STT3B: variants seen among roughly 807,000 people sequenced by gnomAD.
STT3B encodes the protein STT3 oligosaccharyltransferase complex catalytic subunit B, also known as dolichyl-diphosphooligosaccharide--protein glycosyltransferase subunit STT3B.
Under a neutral mutation model 96.8 loss-of-function variants are expected in STT3B, and 29 were observed. The observed-to-expected ratio is 0.30, with a 90% CI of 0.22 to 0.41. The LOEUF (loss-of-function observed/expected upper bound fraction) is 0.41, where lower values mean the gene tolerates loss of function less well. STT3B is among the 10% of genes least tolerant of loss of function. STT3B has a pLI of 1.00. For synonymous variants in STT3B, 367 were observed against 360.0 expected (o/e 1.02, Z -0.22); for missense variants, 640 against 1,022.3 (o/e 0.63, Z 5.10).
At chr3:31,543,067 CAA>C (rs10696158) in intron 1 of STT3B, among the ~76,000 whole-genome samples, 6 of 109,466 alleles carry the variant, frequency 5.5e-5, no homozygotes, top group Non-Finnish European at 8.7e-5. Context: ...CTCCATCTCA[CAA>C]AAAAAAAAAA....
At chr3:31,576,654 G>T (rs1041365180) in intron 2 of STT3B, 150 bp downstream of exon 2, 3 of 463,048 alleles carry the variant, frequency 6.5e-6, no homozygotes, top group African/African-American at 6.1e-5. Flanking sequence ...GTTTACTTAG[G>T]CTCTTTTCTT....
intron 3 of STT3B, 41 bp downstream of exon 3, chr3:31,580,137 ACCTTTC>A (rs775079484): frequency 6.3e-6 from 10 of 1,582,542 alleles, no homozygotes; most frequent in Non-Finnish European, 7.8e-6. Flanking sequence ...ATTACTCGTG[ACCTTTC>A]TCCTGAAACA....
intron 4 of STT3B, among the ~76,000 whole-genome samples, chr3:31,597,129 A>T (rs1299141882): frequency 6.6e-6 from 1 of 151,834 alleles, no homozygotes; most frequent in Non-Finnish European, 1.5e-5. Flanking sequence ...TTTATTAAGA[A>T]TTTTTTTTAA....
intron 15 of STT3B, 143 bp from the exon 16 acceptor site, chr3:31,635,841 C>T (rs533693148): frequency 1.7e-5 from 10 of 576,454 alleles, no homozygotes; most frequent in Non-Finnish European, 3.1e-5. Flanking sequence ...TAGTGGTGTT[C>T]ACTGAACTAT....
chr3:31,533,373 C>G, intron 1 of STT3B, 61 bp downstream of exon 1: 3 of 1,388,018 alleles, frequency 2.2e-6, no homozygotes, highest in South Asian at 3.1e-5. Context: ...CCCGCTCCTC[C>G]GCCCGCCGCA....
chr3:31,595,317 C>G (rs1426022814), intron 3 of STT3B, among the ~76,000 whole-genome samples: 1 of 152,188 alleles, frequency 6.6e-6, no homozygotes, highest in Non-Finnish European at 1.5e-5. Flanking sequence ...GTCCATATAT[C>G]ATAATACCAT....
chr3:31,585,989 T>G (rs575732189), intron 3 of STT3B, among the ~76,000 whole-genome samples: 1 of 152,238 alleles, frequency 6.6e-6, no homozygotes, highest in South Asian at 2.1e-4. Flanking sequence ...ATTGGTGGTT[T>G]GTGTGATAAG....
intron 15 of STT3B, among the ~76,000 whole-genome samples, chr3:31,633,564 G>T (rs1362767138): frequency 6.6e-6 from 1 of 151,936 alleles, no homozygotes; most frequent in East Asian, 1.9e-4. Context: ...AATAGGTTTG[G>T]GTTGGGTGAG....
At chr3:31,591,158 G>A (rs185853341) in intron 3 of STT3B, among the ~76,000 whole-genome samples, 22 of 152,014 alleles carry the variant, frequency 1.4e-4, no homozygotes, top group African/African-American at 4.6e-4. Context: ...ATTTGTTTTA[G>A]GTCCCTGTAT....
In STT3B at chr3:31,619,865, AAT is replaced by A. The variant is rs750078275; in HGVS notation, c.1327+37_1327+38del. On this transcript the variant is annotated intron_variant, in intron 9 of 15. Transcript: ENST00000295770. ...GTTTTTAATGAATACTTTGATATGG[AAT>A]AGTTATTTTTCTTTTTGAGATTATT... 81 of 1,580,660 alleles carry A rather than the reference AAT, an allele frequency of 5.1e-5. 2 individuals are homozygous for A. The Middle Eastern group carries it at 1.2e-3, about 23-fold the overall frequency.
At chr3:31,593,535 GTC>G (rs1421546217) in intron 3 of STT3B, among the ~76,000 whole-genome samples, 1 of 151,972 alleles carries the variant, frequency 6.6e-6, no homozygotes, top group East Asian at 1.9e-4. Context: ...GTTTTTATCT[GTC>G]TGTCTTTGTA....
rs947951606 is a variant in STT3B at position 31,589,608 on chromosome 3, C to CTAG, written c.712-7188_712-7186dup. ...CTATGCCTACCTCATAAACATAGAT[C>CTAG]TAGTTGTCTGTACTGACCCAATTAC... On this transcript the variant is annotated intron_variant, in intron 3 of 15. Coordinates refer to ENST00000295770, the MANE Select transcript of STT3B (RefSeq NM_178862.3). Among the ~76,000 whole-genome samples, 5 of 151,986 alleles carry CTAG rather than the reference C, an allele frequency of 3.3e-5. 1 individual carries two copies. The highest frequency in any genetic ancestry group is 1.9e-4 in the East Asian group (1 of 5,174).
intron 1 of STT3B, 38 bp from the exon 2 acceptor site, chr3:31,576,358 G>A: frequency 1.7e-6 from 2 of 1,195,350 alleles, no homozygotes; most frequent in Non-Finnish European, 2.4e-6. Flanking sequence ...TTTCTATTAA[G>A]CAGTTTTATA....
intron 1 of STT3B, among the ~76,000 whole-genome samples, chr3:31,556,073 C>A (rs1697702872): frequency 1.3e-5 from 2 of 152,026 alleles, no homozygotes. Flanking sequence ...CCATACTTTG[C>A]CTAGCCTCTG....
intron 1 of STT3B, among the ~76,000 whole-genome samples, chr3:31,546,190 A>T (rs1697408295): frequency 6.6e-6 from 1 of 152,154 alleles, no homozygotes; most frequent in Non-Finnish European, 1.5e-5. Context: ...AAAATATACC[A>T]CTCCAAAACT....
chr3:31,619,673 C>T lies in STT3B; in HGVS notation c.1173-3C>T. ...TAAACAATATTAACTTTTTTAATAC[C>T]AGGTATGCAAAAATACACATTCCAA... On this transcript the variant is annotated splice_region_variant and splice_polypyrimidine_tract_variant and intron_variant, in intron 8 of 15. Transcript: ENST00000295770. 6.2e-7 allele frequency: 1 copy of T among 1,600,580 alleles called. No individual in the cohort carries two copies. Among genetic ancestry groups the T allele is most frequent in the South Asian group, 1.1e-5 (1 of 87,568 alleles).
chr3:31,583,560 G>T (rs1193399250), intron 3 of STT3B, among the ~76,000 whole-genome samples: 1 of 151,996 alleles, frequency 6.6e-6, no homozygotes, highest in African/African-American at 2.4e-5. Context: ...CTCTCTTTTG[G>T]TTACTATTTG....
intron 1 of STT3B, among the ~76,000 whole-genome samples, chr3:31,559,703 C>T (rs1402028594): frequency 1.3e-5 from 2 of 151,988 alleles, no homozygotes; most frequent in African/African-American, 4.8e-5. Flanking sequence ...ATGTCAAGTA[C>T]ATTTTGTCTA....
At chr3:31,571,369 A>G (rs1316754097) in intron 1 of STT3B, among the ~76,000 whole-genome samples, 2 of 151,718 alleles carry the variant, frequency 1.3e-5, no homozygotes, top group Non-Finnish European at 2.9e-5. Context: ...AGCACTAAGT[A>G]TCCAAGTATT....
Sources: gnomAD v4.1 joint callset for allele counts (sites outside exome capture counted in the v4.1 genomes callset) on GRCh38, gnomAD v4.1.1 for gene constraint, MANE v1.5 for transcripts, NCBI Gene and HGNC (gene_info 2026-07-23, HGNC 2026-07-21) for gene names.